DNAH14: variants seen among roughly 807,000 people sequenced by gnomAD.
DNAH14 encodes dynein axonemal heavy chain 14.
A neutral mutation model predicts 520.9 loss-of-function variants in DNAH14; 478 were observed. That is an observed-to-expected ratio of 0.92 (90% CI 0.85 to 0.99). DNAH14 has a LOEUF of 0.99. Among genes scored for constraint, DNAH14 ranks in the 50% least tolerant of loss-of-function variants. The probability of loss-of-function intolerance (pLI) is 0.00; values close to 1 mark genes in which losing one functional copy is unlikely to be tolerated. For missense variants in DNAH14, 4,831 were observed against 5,234.5 expected, an observed-to-expected ratio of 0.92 and a Z score of 2.38; for synonymous variants, 1,581 against 1,757.2, an observed-to-expected ratio of 0.90 and a Z score of 2.51.
chr1:225,364,642 G>T, intron 75 of DNAH14, 150 bp from the exon 76 acceptor site: 1 of 504,670 alleles, frequency 2.0e-6, no homozygotes. Flanking sequence ...AAATTCTTGC[G>T]CAACATGGAA....
Position 225,398,662 on chromosome 1 carries a change from CA to C in DNAH14, c.13637del (p.Lys4546ArgfsTer44). ...TTTCCCGACATATACTTTTTGCCAA[CA>C]AAGGTAATCACCCTGCTATTATCCT... ...CDFPDIYFLP[T>X]KISTKTPNAS... On this transcript the variant is annotated frameshift_variant, in exon 85 of 86. Coordinates refer to ENST00000682510, the MANE Select transcript of DNAH14 (RefSeq NM_001367479.1). LOFTEE classifies it low-confidence loss of function (END_TRUNC). The C allele has an allele frequency of 6.4e-7, 1 of 1,551,634 alleles. No individual in the cohort carries two copies. The highest frequency in any genetic ancestry group is 1.4e-5 in the African/African-American group (1 of 73,182).
At chr1:224,951,237 G>C (rs1332048527) in intron 1 of DNAH14, among the ~76,000 whole-genome samples, 2 of 152,072 alleles carry the variant, frequency 1.3e-5, no homozygotes, top group African/African-American at 4.8e-5. Flanking sequence ...TCTTGCCTAA[G>C]CTGGTCTCGA....
chr1:225,192,926 G>C lies in DNAH14; in HGVS notation c.5886+15G>C. On this transcript the variant is annotated intron_variant, in intron 38 of 85. Transcript: ENST00000682510. ...ATTTATCCAATGTAAGTTTAGTATTGAATGAATGTTTTTATTTAACTAATG... is the reference window on the plus strand; with the variant it reads ...ATTTATCCAATGTAAGTTTAGTATTCAATGAATGTTTTTATTTAACTAATG... The C allele has an allele frequency of 6.6e-7, 1 of 1,519,850 alleles. No individual in the cohort carries two copies. 94.1% of individuals were successfully genotyped at this position (1,519,850 alleles called of 1,614,324 possible).
Position 225,271,993 on chromosome 1 carries a change from A to G in DNAH14, c.7759A>G (p.Ile2587Val), listed in dbSNP as rs2093326919. 6.4e-7 allele frequency: 1 copy of G among 1,550,676 alleles called. No individual in the cohort carries two copies. The highest frequency in any genetic ancestry group is 8.7e-7 in the Non-Finnish European group (1 of 1,146,510). The part of the protein sequence containing the change: ...KDQIISCSLA[I>V]YHQVRQNMLP... Reference sequence around the variant, plus strand: ...TCAGATAATATCTTGTTCCCTAGCTATATACCATCAAGTACGTCAGAATAT... The same window carrying G: ...TCAGATAATATCTTGTTCCCTAGCTGTATACCATCAAGTACGTCAGAATAT... Residue 2587 changes from isoleucine (I) to valine (V), a missense_variant, in exon 51 of 86, where the codon ATA becomes GTA. Coordinates refer to ENST00000682510, the MANE Select transcript of DNAH14 (RefSeq NM_001367479.1).
At chr1:225,124,247 A>G (rs942149709) in intron 27 of DNAH14, among the ~76,000 whole-genome samples, 1 of 152,176 alleles carries the variant, frequency 6.6e-6, no homozygotes, top group Non-Finnish European at 1.5e-5. Context: ...GAAGGTTAGG[A>G]TGGCTGTGGC....
At chr1:225,030,777 A>C (rs545743232) in intron 11 of DNAH14, among the ~76,000 whole-genome samples, 17 of 151,998 alleles carry the variant, frequency 1.1e-4, no homozygotes, top group South Asian at 2.1e-4. Flanking sequence ...GCATAACTAT[A>C]ATTTTATAAT....
At chr1:225,300,225 T>C (rs1276105622) in intron 55 of DNAH14, among the ~76,000 whole-genome samples, 1 of 152,210 alleles carries the variant, frequency 6.6e-6, no homozygotes, top group East Asian at 1.9e-4. Context: ...TATTGAGGGC[T>C]TCTGTGAACT....
chr1:225,142,936 ATTAAT>A (rs1396651379), intron 28 of DNAH14, among the ~76,000 whole-genome samples: 1 of 152,078 alleles, frequency 6.6e-6, no homozygotes, highest in Non-Finnish European at 1.5e-5. Context: ...AAATAAATAA[ATTAAT>A]TTAATTTTTT....
In DNAH14 at chr1:225,242,716, G is replaced by A. The variant is rs765476255; in HGVS notation, c.6748+1894G>A. On this transcript the variant is annotated intron_variant, in intron 43 of 85. Transcript: ENST00000682510. ...TATTGTAAATACATAAACCAGTAACGTAGTCATTTATCATCATTATCAAAG... is the reference window on the plus strand; with the variant it reads ...TATTGTAAATACATAAACCAGTAACATAGTCATTTATCATCATTATCAAAG... Among the ~76,000 whole-genome samples the A allele has an allele frequency of 5.3e-5, 8 of 152,262 alleles. No individual in the cohort carries two copies. In the East Asian group the frequency reaches 5.8e-4, roughly 11 times the overall value.
intron 10 of DNAH14, among the ~76,000 whole-genome samples, chr1:225,014,416 TA>T (rs2065047352): frequency 4.8e-5 from 2 of 41,256 alleles, no homozygotes; most frequent in South Asian, 2.0e-3. Flanking sequence ...CTTTCCTCAC[TA>T]GTTTTTTTTT....
intron 8 of DNAH14, among the ~76,000 whole-genome samples, chr1:225,000,814 C>T (rs1426757348): frequency 6.6e-6 from 1 of 151,798 alleles, no homozygotes; most frequent in Non-Finnish European, 1.5e-5. Flanking sequence ...GTATTTCTGT[C>T]ATTGTATTTT....
intron 17 of DNAH14, among the ~76,000 whole-genome samples, chr1:225,078,873 T>C (rs796929626): frequency 1.1e-3 from 120 of 107,126 alleles, no homozygotes; most frequent in Non-Finnish European, 1.7e-3. Flanking sequence ...TCTCTCTCTC[T>C]CTCTCTCTCT....
chr1:225,239,390 C>A (rs1458722432), intron 42 of DNAH14, among the ~76,000 whole-genome samples: 1 of 152,086 alleles, frequency 6.6e-6, no homozygotes, highest in Non-Finnish European at 1.5e-5. Context: ...GTGTGCAACC[C>A]CACACTTGGC....
rs541185190 is a variant in DNAH14 at position 225,079,189 on chromosome 1, T to C, written c.2425-18T>C. On this transcript the variant is annotated intron_variant, in intron 17 of 85. Transcript: ENST00000682510. ...ATGAAAAGTCATTACACAATTATAA[T>C]TGACATGTTGATTTCAGGTTGTGGA... The C allele has an allele frequency of 6.6e-5, 100 of 1,519,782 alleles. No individual in the cohort carries two copies. In the East Asian group the frequency reaches 2.2e-3, roughly 34 times the overall value. 94.1% of individuals were successfully genotyped at this position (1,519,782 alleles called of 1,614,324 possible). A position where few individuals can be genotyped will look rare whatever the true frequency, so the allele number is the denominator to read the frequency against.
intron 17 of DNAH14, among the ~76,000 whole-genome samples, chr1:225,056,533 A>G (rs943258680): frequency 2.6e-5 from 4 of 152,022 alleles, no homozygotes; most frequent in African/African-American, 9.7e-5. Flanking sequence ...TCTTTAGTTT[A>G]ATTAGATCCC....
intron 11 of DNAH14, among the ~76,000 whole-genome samples, chr1:225,031,576 G>T (rs2066528267): frequency 6.6e-6 from 1 of 151,846 alleles, no homozygotes; most frequent in African/African-American, 2.4e-5. Context: ...CTAAAAGAAG[G>T]AAAAATATTA....
Position 225,207,127 on chromosome 1 carries a change from T to A in DNAH14, c.6346T>A (p.Tyr2116Asn). Residue 2116 changes from tyrosine to asparagine, a missense_variant, in exon 41 of 86, where the codon TAT becomes AAT. Transcript: ENST00000682510. ...FIRNRQKFQPYPMEDITVVIT... is the reference protein window; with the variant it reads ...FIRNRQKFQPNPMEDITVVIT... ...AAGGAATCGTCAGAAATTTCAGCCA[T>A]ATCCTATGGAGGACATAACAGTCGT... 1 of 1,551,186 alleles carries A rather than the reference T, an allele frequency of 6.4e-7. No homozygotes were observed. The highest frequency in any genetic ancestry group is 1.2e-5 in the South Asian group (1 of 83,998).
At chr1:225,100,937 A>C in intron 23 of DNAH14, 53 bp downstream of exon 23, 1 of 1,366,710 alleles carries the variant, frequency 7.3e-7, no homozygotes, top group Non-Finnish European at 9.8e-7. Flanking sequence ...AGTAAAGTAA[A>C]AGTGATATAA....
intron 77 of DNAH14, among the ~76,000 whole-genome samples, chr1:225,373,153 T>C (rs1190027114): frequency 7.7e-6 from 1 of 129,942 alleles, no homozygotes; most frequent in Admixed American, 9.4e-5. Context: ...ACAGTGTGTA[T>C]GCTAAACTAG....
Sources: gnomAD v4.1 joint callset for allele counts (sites outside exome capture counted in the v4.1 genomes callset) on GRCh38, gnomAD v4.1.1 for gene constraint, MANE v1.5 for transcripts, NCBI Gene and HGNC (gene_info 2026-07-23, HGNC 2026-07-21) for gene names.